CCDC190: variants seen among roughly 807,000 people sequenced by gnomAD.
CCDC190 encodes coiled-coil domain-containing protein 190.
CCDC190 carries 10 observed loss-of-function variants against 13.1 expected under a neutral mutation model. The observed-to-expected ratio is 0.77, with a 90% CI of 0.47 to 1.30. CCDC190 has a LOEUF of 1.30. Among genes scored for constraint, CCDC190 ranks in the 50% most tolerant of loss-of-function variants. CCDC190 has a pLI of 0.00. For missense variants in CCDC190, 375 were observed against 354.3 expected (o/e 1.06, Z -0.47); for synonymous variants, 136 against 127.2 (o/e 1.07, Z -0.47).
chr1:162,855,623 A>G lies in CCDC190; in HGVS notation c.311+9T>C, dbSNP rs1396586915. ...GTCATACCCATGGGTTTAGTAATCC[A>G]TTTCTTACCTCATTTTCTTAGCCTG... On this transcript the variant is annotated intron_variant, in intron 3 of 3. Transcript: ENST00000367912. 8 of 1,612,884 alleles carry G rather than the reference A, an allele frequency of 5.0e-6. No individual in the cohort carries two copies. Among genetic ancestry groups the G allele is most frequent in the Non-Finnish European group, 5.9e-6 (7 of 1,179,546 alleles).
At chr1:162,866,972 T>C (rs7525831) in intron 1 of CCDC190, among the ~76,000 whole-genome samples, 96,111 of 151,860 alleles carry the variant, frequency 0.63, 32,809 homozygotes, top group Non-Finnish European at 0.77. Flanking sequence ...CTTAACATGC[T>C]GGCAAAAACT....
intron 3 of CCDC190, 55 bp from the exon 4 acceptor site, chr1:162,855,414 T>A: frequency 1.3e-6 from 2 of 1,531,742 alleles, no homozygotes; most frequent in Non-Finnish European, 1.7e-6. Context: ...GGCTCTTCTT[T>A]AGACCTTTCA....
chr1:162,863,077 T>C (rs1358811438), upstream of CCDC190, among the ~76,000 whole-genome samples: 1 of 152,208 alleles, frequency 6.6e-6, no homozygotes, highest in Non-Finnish European at 1.5e-5. Context: ...CATTCTCAGA[T>C]CATGTTCTTG....
chr1:162,856,423 C>T (rs1650304064), intron 2 of CCDC190, among the ~76,000 whole-genome samples: 2 of 152,146 alleles, frequency 1.3e-5, no homozygotes, highest in South Asian at 4.1e-4. Flanking sequence ...TTGGCAAGCA[C>T]AATGTTTTCA....
chr1:162,858,241 T>G (rs1650377343), intron 2 of CCDC190, among the ~76,000 whole-genome samples: 1 of 152,180 alleles, frequency 6.6e-6, no homozygotes, highest in South Asian at 2.1e-4. Context: ...TTCATACTCT[T>G]TCCAACCCAA....
Position 162,854,878 on chromosome 1 carries a change from CA to C in CCDC190, c.792del (p.Glu265SerfsTer42). 3.1e-6 allele frequency: 5 copies of C among 1,614,052 alleles called. No homozygotes were observed. The highest frequency in any genetic ancestry group is 4.2e-6 in the Non-Finnish European group (5 of 1,179,890). The stretch of plus-strand genomic sequence containing the variant: ...CCAATGCTAAGCAACCTCTCAGACT[CA>C]GGGGGGACCCTGTGCCGGAGATAAT... ...NAHYLRHRVP[P>X]ESERLLSIGE... On this transcript the variant is annotated frameshift_variant, in exon 4 of 4. Transcript: ENST00000367912. LOFTEE classifies it low-confidence loss of function (END_TRUNC).
intron 2 of CCDC190, among the ~76,000 whole-genome samples, chr1:162,856,428 T>G (rs151308557): frequency 6.6e-6 from 1 of 152,320 alleles, no homozygotes; most frequent in Non-Finnish European, 1.5e-5. Flanking sequence ...AAGCACAATG[T>G]TTTCAAAAAC....
Position 162,859,451 on chromosome 1 carries a change from A to G in CCDC190, c.187+9T>C. 1 of 1,611,310 alleles carries G rather than the reference A, an allele frequency of 6.2e-7. No individual in the cohort carries two copies. Among genetic ancestry groups the G allele is most frequent in the Non-Finnish European group, 8.5e-7 (1 of 1,178,632 alleles). On this transcript the variant is annotated intron_variant, in intron 2 of 3. Coordinates refer to ENST00000367912, the MANE Select transcript of CCDC190 (RefSeq NM_001394065.1). Reference sequence around the variant, plus strand: ...GGGGCATCCTCCTCACCAGTCCTGAAAGTCTTACCTTGCTGCAACCTCTGC... The same window carrying G: ...GGGGCATCCTCCTCACCAGTCCTGAGAGTCTTACCTTGCTGCAACCTCTGC...
At position 162,852,928 on chromosome 1, in the gene CCDC190, G is replaced by T; in HGVS notation, c.*1837C>A. ...GAAGACAAGAAGAAAGAACTTTTAGGAAAGAGCTTGCGCAGTTTACAAAGG... is the reference window on the plus strand; with the variant it reads ...GAAGACAAGAAGAAAGAACTTTTAGTAAAGAGCTTGCGCAGTTTACAAAGG... On this transcript the variant is annotated 3_prime_UTR_variant, in exon 4 of 4. Coordinates refer to ENST00000367912, the MANE Select transcript of CCDC190 (RefSeq NM_001394065.1). 1 of 583,562 alleles carries T rather than the reference G, an allele frequency of 1.7e-6. No homozygotes were observed. 36.1% of individuals were successfully genotyped at this position (583,562 alleles called of 1,614,324 possible). A position where few individuals can be genotyped will look rare whatever the true frequency, so the allele number is the denominator to read the frequency against.
chr1:162,859,515 T>C lies in CCDC190; in HGVS notation c.132A>G (p.Lys44=). The C allele has an allele frequency of 1.9e-6, 3 of 1,613,766 alleles. No individual in the cohort carries two copies. The highest frequency in any genetic ancestry group is 2.5e-6 in the Non-Finnish European group (3 of 1,179,792). The part of the protein sequence containing the change: ...RLKVICLYHV[K]LLTWEQRQLQ... ...GCTGCCTCTGCTCCCAGGTCAGCAA[T>C]TTCACATGGTAGAGGCAAATAACCT... The change falls in exon 2 of 4, where the codon AAA becomes AAG. Residue 44 remains lysine, a synonymous_variant. Transcript: ENST00000367912.
chr1:162,858,368 G>A (rs1351117772), intron 2 of CCDC190, among the ~76,000 whole-genome samples: 4 of 152,124 alleles, frequency 2.6e-5, no homozygotes, highest in Admixed American at 1.3e-4. Flanking sequence ...CAACTAAATG[G>A]CTTCTAAGAC....
chr1:162,854,208 C>G lies in CCDC190; in HGVS notation c.*557G>C. The G allele has an allele frequency of 1.0e-6, 1 of 984,440 alleles. No individual in the cohort carries two copies. The highest frequency in any genetic ancestry group is 1.2e-6 in the Non-Finnish European group (1 of 829,170). 61.0% of individuals were successfully genotyped at this position (984,440 alleles called of 1,614,324 possible). A position where few individuals can be genotyped will look rare whatever the true frequency, so the allele number is the denominator to read the frequency against. On this transcript the variant is annotated 3_prime_UTR_variant, in exon 4 of 4. Transcript: ENST00000367912. ...TAGGATTCAAAAAATTTGATATGAG[C>G]AGGTTGAAAGTGGGAGGGTGAAAAC...
At chr1:162,867,301 A>C (rs944772507) in intron 1 of CCDC190, among the ~76,000 whole-genome samples, 2 of 152,192 alleles carry the variant, frequency 1.3e-5, no homozygotes, top group African/African-American at 4.8e-5. Flanking sequence ...TTGAATAGAC[A>C]ATCCAAAAGA....
At chr1:162,863,457 C>CT (rs1344022014), upstream of CCDC190, among the ~76,000 whole-genome samples, 4 of 151,672 alleles carry the variant, frequency 2.6e-5, no homozygotes, top group African/African-American at 9.7e-5. Flanking sequence ...ACTAGATTTA[C>CT]TTTTCTACAT....
In CCDC190 at chr1:162,854,839, G is replaced by A; in HGVS notation, c.832C>T (p.His278Tyr). The change falls in exon 4 of 4, where the codon CAT becomes TAT. Residue 278 changes from histidine (H) to tyrosine (Y), a missense_variant. Physicochemically the swap from His to Tyr is moderately conservative, Grantham distance 83. Transcript: ENST00000367912. ...RLLSIGEIFG[H>Y]GESSSSRAGK... is the part of the protein sequence containing the mutation. The stretch of plus-strand genomic sequence containing the variant: ...GCCCTGGATGATGAGGATTCCCCAT[G>A]CCCAAATATCTCTCCAATGCTAAGC... The A allele has an allele frequency of 6.2e-7, 1 of 1,613,974 alleles. No homozygotes were observed. Among genetic ancestry groups the A allele is most frequent in the Non-Finnish European group, 8.5e-7 (1 of 1,179,870 alleles).
chr1:162,867,952 G>A (rs1450923938), intron 1 of CCDC190, among the ~76,000 whole-genome samples: 1 of 152,094 alleles, frequency 6.6e-6, no homozygotes, highest in African/African-American at 2.4e-5. Context: ...ATTACAAAAA[G>A]GAATGAAGGA....
intron 2 of CCDC190, chr1:162,856,082 A>G (rs1181144212): frequency 5.6e-6 from 1 of 177,544 alleles, no homozygotes; most frequent in Non-Finnish European, 1.2e-5. Flanking sequence ...CATGTTTGAC[A>G]TATTGATTTT....
chr1:162,867,762 C>T (rs760827447), intron 1 of CCDC190, among the ~76,000 whole-genome samples: 6 of 152,044 alleles, frequency 3.9e-5, no homozygotes, highest in Admixed American at 1.3e-4. Flanking sequence ...ATAAAAATAA[C>T]GATACATTAA....
Position 162,853,251 on chromosome 1 carries a change from A to G in CCDC190, c.*1514T>C. 1 of 1,013,650 alleles carries G rather than the reference A, an allele frequency of 9.9e-7. No homozygotes were observed. Among genetic ancestry groups the G allele is most frequent in the South Asian group, 1.8e-5 (1 of 54,598 alleles). The allele number at this position is 1,013,650 out of a possible 1,614,324, so 62.8% of individuals were successfully genotyped here. ...GTAATGAAAGAGCATGAGCAAGGAAATTGAGTAGAAGAGAGATCAAATGCT... is the reference window on the plus strand; with the variant it reads ...GTAATGAAAGAGCATGAGCAAGGAAGTTGAGTAGAAGAGAGATCAAATGCT... On this transcript the variant is annotated 3_prime_UTR_variant, in exon 4 of 4. Coordinates refer to ENST00000367912, the MANE Select transcript of CCDC190 (RefSeq NM_001394065.1).
Sources: allele counts gnomAD v4.1 joint callset (sites outside exome capture counted in the v4.1 genomes callset), GRCh38; gene constraint gnomAD v4.1.1; transcripts MANE v1.5; gene names NCBI Gene and HGNC (gene_info 2026-07-23, HGNC 2026-07-21).